MICAL3: variants seen among roughly 807,000 people sequenced by gnomAD.
The protein encoded by MICAL3 is [F-actin]-monooxygenase MICAL3.
A neutral mutation model predicts 207.4 loss-of-function variants in MICAL3; 62 were observed. The ratio of observed to expected loss-of-function variants is 0.30; its 90% CI spans 0.24 to 0.37. MICAL3 has a LOEUF of 0.37. Ranked by LOEUF, MICAL3 falls within the 10% of genes least tolerant of loss-of-function variation. The probability of loss-of-function intolerance (pLI) is 1.00; values close to 1 mark genes in which losing one functional copy is unlikely to be tolerated. For missense variants in MICAL3, 2,368 were observed against 2,635.6 expected (o/e 0.90, Z 2.22); for synonymous variants, 1,077 against 1,069.3 (o/e 1.01, Z -0.14).
At chr22:17,810,240 T>C (rs2062031206) in intron 28 of MICAL3, among the ~76,000 whole-genome samples, 1 of 151,816 alleles carries the variant, frequency 6.6e-6, no homozygotes, top group Non-Finnish European at 1.5e-5. Context: ...TTTTTTGTAT[T>C]TTTAGTAGAG....
intron 1 of MICAL3, among the ~76,000 whole-genome samples, chr22:17,936,324 T>C (rs1204938540): frequency 6.6e-6 from 1 of 151,864 alleles, no homozygotes; most frequent in Non-Finnish European, 1.5e-5. Context: ...CTATCACAAG[T>C]ACAGAAAACC....
At chr22:17,813,423 C>T (rs1333822645) in intron 27 of MICAL3, 1 of 152,244 alleles carries the variant, frequency 6.6e-6, no homozygotes, top group African/African-American at 2.4e-5. Context: ...TTGTGCGGAG[C>T]TGTGCTTCCC....
intron 17 of MICAL3, among the ~76,000 whole-genome samples, chr22:17,870,383 G>A (rs1451677811): frequency 2.0e-5 from 3 of 152,048 alleles, no homozygotes; most frequent in Non-Finnish European, 4.4e-5. Flanking sequence ...CTGTGTAACC[G>A]AGCCTTTCGC....
At chr22:17,864,651 C>T (rs776687416) in intron 19 of MICAL3, 2 of 1,597,498 alleles carry the variant, frequency 1.3e-6, no homozygotes, top group East Asian at 4.5e-5. Context: ...CCGGACGGCC[C>T]CATCACTGGG....
At chr22:17,815,056 G>A (rs10427624) in intron 27 of MICAL3, 1 of 152,276 alleles carries the variant, frequency 6.6e-6, no homozygotes, top group Admixed American at 6.5e-5. Context: ...TGTCCCCCAG[G>A]CTTGGCTTTG....
intron 1 of MICAL3, among the ~76,000 whole-genome samples, chr22:17,941,966 C>A (rs375755019): frequency 3.9e-5 from 6 of 152,196 alleles, no homozygotes; most frequent in African/African-American, 1.4e-4. Flanking sequence ...TTCAAGCGGG[C>A]CTTCTCCCTT....
At chr22:17,926,721 A>C (rs1421952706) in intron 1 of MICAL3, among the ~76,000 whole-genome samples, 3 of 152,214 alleles carry the variant, frequency 2.0e-5, no homozygotes, top group African/African-American at 7.2e-5. Flanking sequence ...GTGGGCGTGC[A>C]GGCAACTGTA....
intron 1 of MICAL3, among the ~76,000 whole-genome samples, chr22:17,967,114 G>A (rs1204553003): frequency 1.3e-5 from 2 of 152,162 alleles, no homozygotes; most frequent in East Asian, 3.8e-4. Context: ...CAACCAACAC[G>A]TGCTGAAAGA....
At chr22:17,912,713 G>C (rs1425882656) in intron 1 of MICAL3, among the ~76,000 whole-genome samples, 1 of 152,172 alleles carries the variant, frequency 6.6e-6, no homozygotes, top group Non-Finnish European at 1.5e-5. Context: ...TACTAGCCTT[G>C]AACAGGTTTT....
intron 29 of MICAL3, among the ~76,000 whole-genome samples, chr22:17,791,988 G>A (rs1471097621): frequency 1.3e-5 from 2 of 152,194 alleles, no homozygotes; most frequent in East Asian, 1.9e-4. Flanking sequence ...AGGTGGCCAC[G>A]CCCTGCCCTG....
chr22:17,861,663 T>C, intron 19 of MICAL3: 1 of 985,454 alleles, frequency 1.0e-6, no homozygotes, highest in Non-Finnish European at 1.2e-6. Flanking sequence ...TGGTGGACAG[T>C]ACAAGGCCAG....
At chr22:17,934,467 AAG>A (rs1488289229) in intron 1 of MICAL3, among the ~76,000 whole-genome samples, 1 of 152,134 alleles carries the variant, frequency 6.6e-6, no homozygotes, top group African/African-American at 2.4e-5. Context: ...TGAAAATAAT[AAG>A]AGTTATTTAT....
At chr22:17,980,905 T>G (rs1239474290) in intron 1 of MICAL3, 1 of 533,612 alleles carries the variant, frequency 1.9e-6, no homozygotes, top group South Asian at 1.4e-5. Context: ...TCCTGCACTT[T>G]CGCTGGGCCT....
chr22:17,860,599 A>G, intron 19 of MICAL3: 3 of 985,512 alleles, frequency 3.0e-6, no homozygotes, highest in Non-Finnish European at 2.4e-6. Flanking sequence ...CTGAAGATGC[A>G]CTAACCACCA....
intron 1 of MICAL3, among the ~76,000 whole-genome samples, chr22:17,984,406 C>T (rs1033615606): frequency 6.6e-6 from 1 of 152,200 alleles, no homozygotes; most frequent in African/African-American, 2.4e-5. Context: ...CCTGGAGACT[C>T]GGAGAGATAA....
chr22:17,827,608 C>T (rs532725056), intron 22 of MICAL3, 36 bp downstream of exon 22: 158 of 1,526,458 alleles, frequency 1.0e-4, no homozygotes, highest in Middle Eastern at 3.9e-4. Context: ...GGGTGGTGCT[C>T]GGGGCACACT....
At chr22:17,910,979 T>C (rs1932101886) in intron 1 of MICAL3, among the ~76,000 whole-genome samples, 1 of 151,062 alleles carries the variant, frequency 6.6e-6, no homozygotes. Context: ...AGCCAAGGTG[T>C]GCAAGGAAGG....
intron 16 of MICAL3, chr22:17,879,313 A>G: frequency 1.3e-6 from 2 of 1,588,330 alleles, no homozygotes; most frequent in Non-Finnish European, 1.7e-6. Flanking sequence ...CTTGGCTCTC[A>G]GCATCCCATG....
chr22:17,951,716 A>T (rs569630108), intron 1 of MICAL3, among the ~76,000 whole-genome samples: 5,698 of 147,664 alleles, frequency 0.039, 165 homozygotes, highest in Non-Finnish European at 0.063. Flanking sequence ...TTTTTTTTTG[A>T]GACAGGGTCT....
Sources: allele counts gnomAD v4.1 joint callset (sites outside exome capture counted in the v4.1 genomes callset), GRCh38; gene constraint gnomAD v4.1.1; transcripts MANE v1.5; gene names NCBI Gene and HGNC (gene_info 2026-07-23, HGNC 2026-07-21).